ZFHX3: variants seen among roughly 807,000 people sequenced by gnomAD.
The protein encoded by ZFHX3 is zinc finger homeobox protein 3.
In ZFHX3, 42 loss-of-function variants were observed where a neutral mutation model predicts 279.1. That is an observed-to-expected ratio of 0.15 (90% CI 0.12 to 0.19). The LOEUF (loss-of-function observed/expected upper bound fraction) is 0.19, where lower values mean the gene tolerates loss of function less well. ZFHX3 is among the 10% of genes least tolerant of loss of function. The pLI is 1.00. For synonymous variants in ZFHX3, 2,293 were observed against 1,957.8 expected, an observed-to-expected ratio of 1.17 and a Z score of -4.52; for missense variants, 4,981 against 4,754.0, an observed-to-expected ratio of 1.05 and a Z score of -1.40.
At chr16:73,454,450 T>C (rs1017983040) in intron 3 of ZFHX3, among the ~76,000 whole-genome samples, 2 of 152,116 alleles carry the variant, frequency 1.3e-5, no homozygotes, top group Admixed American at 1.3e-4. Context: ...TCGTGTTCTT[T>C]GAATTCCCTA....
intron 4 of ZFHX3, among the ~76,000 whole-genome samples, chr16:73,264,495 C>A (rs1245526497): frequency 6.6e-6 from 1 of 152,108 alleles, no homozygotes; most frequent in African/African-American, 2.4e-5. Context: ...CCAAGATTTT[C>A]CCAATCAGAA....
At chr16:73,242,285 T>C (rs929475193) in intron 5 of ZFHX3, among the ~76,000 whole-genome samples, 1 of 152,144 alleles carries the variant, frequency 6.6e-6, no homozygotes, top group African/African-American at 2.4e-5. Flanking sequence ...TTCACAATTA[T>C]ACAGTAGGGT....
chr16:73,393,191 C>T (rs1298282381), intron 3 of ZFHX3, among the ~76,000 whole-genome samples: 1 of 152,184 alleles, frequency 6.6e-6, no homozygotes, highest in East Asian at 1.9e-4. Context: ...TCAAGCAATC[C>T]TTCCATCTCA....
At chr16:73,253,801 G>C (rs776657199) in intron 5 of ZFHX3, among the ~76,000 whole-genome samples, 5 of 152,122 alleles carry the variant, frequency 3.3e-5, no homozygotes, top group African/African-American at 9.7e-5. Flanking sequence ...AAGGAGCAGA[G>C]ACAGAAGACA....
intron 3 of ZFHX3, among the ~76,000 whole-genome samples, chr16:73,417,950 C>G (rs990335632): frequency 4.6e-5 from 6 of 131,774 alleles, no homozygotes; most frequent in Middle Eastern, 4.6e-3. Context: ...GATCGCGCCA[C>G]TGCACTCCAG....
At position 73,201,823 on chromosome 16, in the gene ZFHX3, C is replaced by A. The variant is rs933888222; in HGVS notation, c.-1104+55224G>T. Among the ~76,000 whole-genome samples, 12 of 152,264 alleles carry A rather than the reference C, an allele frequency of 7.9e-5. No individual in the cohort carries two copies. The East Asian group carries it at 2.3e-3, about 29-fold the overall frequency. The stretch of plus-strand genomic sequence containing the variant: ...CTGTATTTTCTTAGCATCTGCAATA[C>A]CAAACAAAGAGCTAGAAGCACAGTA... On this transcript the variant is annotated intron_variant, in intron 5 of 17. Transcript: ENST00000641206.
chr16:73,809,764 A>C (rs969005766), intron 1 of ZFHX3: 1 of 152,230 alleles, frequency 6.6e-6, no homozygotes, highest in Admixed American at 6.5e-5. Flanking sequence ...ACTCATTAAA[A>C]ACAAAACAAA....
chr16:72,941,092 C>A (rs74848756), intron 3 of ZFHX3, among the ~76,000 whole-genome samples: 1 of 152,332 alleles, frequency 6.6e-6, no homozygotes, highest in East Asian at 1.9e-4. Flanking sequence ...CAACATCTGG[C>A]CAAGTTGCTG....
intron 1 of ZFHX3, among the ~76,000 whole-genome samples, chr16:73,042,388 C>G (rs1320121651): frequency 2.6e-5 from 4 of 152,142 alleles, no homozygotes; most frequent in Middle Eastern, 3.2e-3. Context: ...TATCCAAAAG[C>G]CAGCCTAACC....
chr16:73,105,681 A>C (rs942898373), intron 7 of ZFHX3, among the ~76,000 whole-genome samples: 1 of 152,128 alleles, frequency 6.6e-6, no homozygotes, highest in East Asian at 1.9e-4. Flanking sequence ...TGATTCTGGG[A>C]GGCGGAGGTT....
chr16:72,938,168 G>A (rs1222666938), intron 3 of ZFHX3, among the ~76,000 whole-genome samples: 2 of 152,270 alleles, frequency 1.3e-5, no homozygotes, highest in African/African-American at 2.4e-5. Context: ...CAGCTGGAGA[G>A]ACAGTTCTGG....
intron 5 of ZFHX3, among the ~76,000 whole-genome samples, chr16:73,246,418 A>T (rs1199881264): frequency 6.6e-6 from 1 of 152,142 alleles, no homozygotes; most frequent in Non-Finnish European, 1.5e-5. Context: ...CAGGATCAGA[A>T]GTCTGTGGGT....
intron 2 of ZFHX3, among the ~76,000 whole-genome samples, chr16:73,479,609 T>C (rs1311666796): frequency 6.6e-6 from 1 of 152,198 alleles, no homozygotes; most frequent in Non-Finnish European, 1.5e-5. Context: ...CAACCTGTGA[T>C]CAGCTTGAGG....
At chr16:73,439,162 C>T (rs1355576048) in intron 3 of ZFHX3, among the ~76,000 whole-genome samples, 1 of 152,114 alleles carries the variant, frequency 6.6e-6, no homozygotes, top group South Asian at 2.1e-4. Flanking sequence ...GCAATAGAGG[C>T]GGGGTGAGAA....
intron 1 of ZFHX3, among the ~76,000 whole-genome samples, chr16:72,999,439 G>A (rs886739580): frequency 2.6e-5 from 4 of 152,328 alleles, no homozygotes; most frequent in Admixed American, 2.0e-4. Context: ...TTACAGGCAT[G>A]AGCCAACATG....
intron 5 of ZFHX3, among the ~76,000 whole-genome samples, chr16:73,226,383 T>C (rs541238014): frequency 1.8e-4 from 27 of 152,398 alleles, no homozygotes; most frequent in Non-Finnish European, 3.2e-4. Flanking sequence ...CATGTTGTTC[T>C]AAGCTGACAT....
intron 1 of ZFHX3, among the ~76,000 whole-genome samples, chr16:73,686,089 CTTAT>C (rs71374579): frequency 6.6e-6 from 1 of 151,710 alleles, no homozygotes; most frequent in African/African-American, 2.4e-5. Flanking sequence ...TCAGACATTT[CTTAT>C]TTATTTATTT....
intron 1 of ZFHX3, among the ~76,000 whole-genome samples, chr16:73,037,140 G>A (rs927458393): frequency 2.0e-5 from 3 of 152,124 alleles, no homozygotes; most frequent in Admixed American, 6.5e-5. Flanking sequence ...TATTAAAAGC[G>A]GAGTCCAAAC....
chr16:73,810,355 A>G (rs149288430), intron 1 of ZFHX3, among the ~76,000 whole-genome samples: 9 of 152,258 alleles, frequency 5.9e-5, no homozygotes, highest in Admixed American at 3.9e-4. Context: ...AAATTTTCCT[A>G]TTTGCATAGA....
Sources: allele counts gnomAD v4.1 joint callset (sites outside exome capture counted in the v4.1 genomes callset), GRCh38; gene constraint gnomAD v4.1.1; transcripts MANE v1.5; gene names NCBI Gene and HGNC (gene_info 2026-07-23, HGNC 2026-07-21).